DOCK1: variants seen among roughly 807,000 people sequenced by gnomAD.
DOCK1 encodes dedicator of cytokinesis 1, also known as dedicator of cytokinesis protein 1.
In DOCK1, 138 loss-of-function variants were observed where a neutral mutation model predicts 262.7. The ratio of observed to expected loss-of-function variants is 0.53; its 90% CI spans 0.46 to 0.61. The LOEUF (loss-of-function observed/expected upper bound fraction) is 0.61, where lower values mean the gene tolerates loss of function less well. Among genes scored for constraint, DOCK1 ranks in the 20% least tolerant of loss-of-function variants. DOCK1 has a pLI of 0.00. For missense variants in DOCK1, 1,908 were observed against 2,370.7 expected (o/e 0.80, Z 4.05); for synonymous variants, 866 against 867.4 (o/e 1.00, Z 0.03).
chr10:126,983,594 A>G (rs2039136695), intron 4 of DOCK1, among the ~76,000 whole-genome samples: 1 of 151,750 alleles, frequency 6.6e-6, no homozygotes, highest in Admixed American at 6.6e-5. Context: ...CTCTTGCATG[A>G]TCTGTCTCTT....
At chr10:127,303,859 A>C (rs369894740) in intron 29 of DOCK1, among the ~76,000 whole-genome samples, 1 of 152,196 alleles carries the variant, frequency 6.6e-6, no homozygotes, top group Non-Finnish European at 1.5e-5. Flanking sequence ...ATCCTGTCTC[A>C]GAAAGAAATA....
chr10:126,911,098 G>A (rs576935611), intron 1 of DOCK1, among the ~76,000 whole-genome samples: 1 of 152,352 alleles, frequency 6.6e-6, no homozygotes, highest in East Asian at 1.9e-4. Flanking sequence ...GTAGTTGGAT[G>A]TTTAGCTTTT....
intron 18 of DOCK1, among the ~76,000 whole-genome samples, chr10:127,036,041 A>AATAG (rs2043586725): frequency 6.6e-6 from 1 of 150,728 alleles, no homozygotes; most frequent in South Asian, 2.1e-4. Flanking sequence ...TAAATAAATA[A>AATAG]ATAAAAAAGA....
chr10:127,186,475 C>A (rs2056240379), intron 27 of DOCK1, among the ~76,000 whole-genome samples: 1 of 140,000 alleles, frequency 7.1e-6, no homozygotes, highest in African/African-American at 2.6e-5. Context: ...TGCGATTTCA[C>A]TCACAATCAT....
chr10:127,079,910 G>A (rs2046803028), intron 23 of DOCK1, among the ~76,000 whole-genome samples: 1 of 152,118 alleles, frequency 6.6e-6, no homozygotes, highest in East Asian at 1.9e-4. Flanking sequence ...CAGCCTGGGC[G>A]ACAAGAATGA....
chr10:127,167,514 C>G (rs900155326), intron 27 of DOCK1, among the ~76,000 whole-genome samples: 1 of 151,992 alleles, frequency 6.6e-6, no homozygotes, highest in African/African-American at 2.4e-5. Context: ...CCCCCCGCCC[C>G]GAAACTTTTA....
At chr10:126,985,568 C>T (rs1440931532) in intron 4 of DOCK1, among the ~76,000 whole-genome samples, 1 of 152,026 alleles carries the variant, frequency 6.6e-6, no homozygotes, top group East Asian at 1.9e-4. Context: ...GAAGGGAGGT[C>T]GTTGAGCTCC....
At chr10:127,028,449 A>C (rs2135501226) in intron 16 of DOCK1, among the ~76,000 whole-genome samples, 1 of 152,296 alleles carries the variant, frequency 6.6e-6, no homozygotes. Context: ...ATGTGGTATC[A>C]GTATTATTAC....
intron 1 of DOCK1, among the ~76,000 whole-genome samples, chr10:126,906,853 G>A (rs920571003): frequency 1.3e-5 from 2 of 152,174 alleles, no homozygotes; most frequent in Non-Finnish European, 2.9e-5. Flanking sequence ...GTGGTCACGG[G>A]GACAGTCCTG....
Position 127,163,799 on chromosome 10 carries a change from C to CTTTT in DOCK1, c.2847+36051_2847+36054dup, listed in dbSNP as rs531750560. ...ACTTCCGTGTCTGGATAAAGCCTTC[C>CTTTT]TTTTTTTTTTTTTTTTTTTGCCCTG... On this transcript the variant is annotated intron_variant, in intron 27 of 51. Coordinates refer to ENST00000623213, the MANE Select transcript of DOCK1 (RefSeq NM_001290223.2). Among the ~76,000 whole-genome samples, 605 of 129,204 alleles carry CTTTT rather than the reference C, an allele frequency of 4.7e-3. 2 individuals carry two copies. Among genetic ancestry groups the CTTTT allele is most frequent in the Admixed American group, 8.0e-3 (101 of 12,634 alleles). 84.8% of individuals were successfully genotyped at this position (129,204 alleles called of 152,430 possible). A position where few individuals can be genotyped will look rare whatever the true frequency, so the allele number is the denominator to read the frequency against.
At chr10:126,948,786 G>C (rs2035873438) in intron 1 of DOCK1, among the ~76,000 whole-genome samples, 2 of 152,054 alleles carry the variant, frequency 1.3e-5, no homozygotes, top group Admixed American at 6.5e-5. Flanking sequence ...GAGCTGCTCT[G>C]ATCCTTTGGG....
intron 23 of DOCK1, among the ~76,000 whole-genome samples, chr10:127,093,951 G>A (rs1228673487): frequency 6.6e-6 from 1 of 152,152 alleles, no homozygotes; most frequent in Non-Finnish European, 1.5e-5. Flanking sequence ...AGGTGAGAGT[G>A]TGAGAGAGGA....
chr10:127,405,462 C>T (rs2067465881), intron 40 of DOCK1, among the ~76,000 whole-genome samples: 2 of 98,878 alleles, frequency 2.0e-5, no homozygotes, highest in Non-Finnish European at 4.1e-5. Context: ...TTTTTTTGGA[C>T]ACTTGGTTTT....
chr10:127,299,058 A>C (rs1412850942), intron 29 of DOCK1, among the ~76,000 whole-genome samples: 1 of 152,134 alleles, frequency 6.6e-6, no homozygotes, highest in Non-Finnish European at 1.5e-5. Context: ...GTCTTTGCAG[A>C]TATAATCAGG....
chr10:127,024,558 T>G, intron 14 of DOCK1, 127 bp from the exon 15 acceptor site: 1 of 740,844 alleles, frequency 1.3e-6, no homozygotes, highest in South Asian at 2.3e-5. Flanking sequence ...TGGGAACGTG[T>G]TCATTTGTGG....
At chr10:127,049,549 T>A (rs1209032265) in intron 21 of DOCK1, among the ~76,000 whole-genome samples, 1 of 151,790 alleles carries the variant, frequency 6.6e-6, no homozygotes, top group Non-Finnish European at 1.5e-5. Flanking sequence ...TAATGAGGGA[T>A]AAATTTACTG....
intron 1 of DOCK1, among the ~76,000 whole-genome samples, chr10:126,942,283 G>A (rs1191094180): frequency 4.6e-5 from 7 of 152,032 alleles, no homozygotes; most frequent in East Asian, 1.9e-4. Context: ...TCGGCCTCCC[G>A]AAGTGCTGGG....
chr10:127,017,650 A>G (rs9418783), intron 12 of DOCK1, among the ~76,000 whole-genome samples: 61,433 of 152,030 alleles, frequency 0.4, 12,695 homozygotes, highest in African/African-American at 0.48. Flanking sequence ...AGTAGCAGAA[A>G]TGAGGACAGA....
intron 37 of DOCK1, among the ~76,000 whole-genome samples, chr10:127,381,794 T>G (rs1354612404): frequency 6.6e-6 from 1 of 152,206 alleles, no homozygotes; most frequent in Non-Finnish European, 1.5e-5. Flanking sequence ...TCATGACTTT[T>G]CACTCTATCA....
Sources: gnomAD v4.1 joint callset for allele counts (sites outside exome capture counted in the v4.1 genomes callset) on GRCh38, gnomAD v4.1.1 for gene constraint, MANE v1.5 for transcripts, NCBI Gene and HGNC (gene_info 2026-07-23, HGNC 2026-07-21) for gene names.